The following DPYD variants were observed in gnomAD, a reference collection of about 807,000 sequenced individuals.
The protein encoded by DPYD is dihydropyrimidine dehydrogenase, also known as dihydropyrimidine dehydrogenase [NADP(+)].
In DPYD, 109 loss-of-function variants were observed where a neutral mutation model predicts 116.2. The ratio of observed to expected loss-of-function variants is 0.94; its 90% CI spans 0.80 to 1.10. The LOEUF (loss-of-function observed/expected upper bound fraction) is 1.10. DPYD is among the 50% of genes least tolerant of loss of function. The pLI, the probability that DPYD is intolerant of heterozygous loss-of-function variation, is 0.00. For synonymous variants in DPYD, 440 were observed against 432.0 expected (o/e 1.02, Z -0.23); for missense variants, 1,302 against 1,254.5 (o/e 1.04, Z -0.57).
At chr1:97,541,347 T>C (rs1042266380) in intron 12 of DPYD, among the ~76,000 whole-genome samples, 2 of 152,134 alleles carry the variant, frequency 1.3e-5, no homozygotes, top group African/African-American at 4.8e-5. Flanking sequence ...TAAAAATGAG[T>C]TACTTAAAAA....
chr1:97,812,129 T>C (rs1194190802), intron 3 of DPYD, among the ~76,000 whole-genome samples: 1 of 152,190 alleles, frequency 6.6e-6, no homozygotes, highest in African/African-American at 2.4e-5. Context: ...TGCATGCTGA[T>C]GACTTAAAAC....
At chr1:97,079,940 A>T (rs1327202164) in intron 22 of DPYD, among the ~76,000 whole-genome samples, 1 of 152,058 alleles carries the variant, frequency 6.6e-6, no homozygotes, top group Non-Finnish European at 1.5e-5. Context: ...GCAATTAAGA[A>T]TACCTAGTAT....
chr1:97,256,140 A>C lies in DPYD; in HGVS notation c.2300-21146T>G, dbSNP rs1388287241. Among the ~76,000 whole-genome samples, 4 of 152,288 alleles carry C rather than the reference A, an allele frequency of 2.6e-5. No individual in the cohort carries two copies. The East Asian group carries it at 7.7e-4, about 29-fold the overall frequency. The stretch of plus-strand genomic sequence containing the variant: ...TATGGTTGAAGTGGGAACGTCTGAC[A>C]GTGACTGAATTATTTCCCTCCAGGA... On this transcript the variant is annotated intron_variant, in intron 18 of 22. Coordinates refer to ENST00000370192, the MANE Select transcript of DPYD (RefSeq NM_000110.4).
chr1:97,173,279 C>CACATATATGT (rs1656910839), intron 20 of DPYD, among the ~76,000 whole-genome samples: 1 of 140,892 alleles, frequency 7.1e-6, no homozygotes, highest in African/African-American at 2.9e-5. Flanking sequence ...CATATATATG[C>CACATATATGT]ACACATATAT....
intron 20 of DPYD, among the ~76,000 whole-genome samples, chr1:97,118,559 C>T (rs988944746): frequency 6.6e-6 from 1 of 152,170 alleles, no homozygotes; most frequent in Non-Finnish European, 1.5e-5. Flanking sequence ...ACAATATAAG[C>T]TGCATTGCTG....
In DPYD at chr1:97,078,293, G is replaced by A. The variant is rs1431977333; in HGVS notation, c.*683C>T. 1.3e-5 allele frequency: 2 copies of A among 156,046 alleles called. No individual in the cohort carries two copies. The highest frequency in any genetic ancestry group is 2.8e-5 in the Non-Finnish European group (2 of 70,290). The allele number at this position is 156,046 out of a possible 1,614,324, so 9.7% of individuals were successfully genotyped here. A position where few individuals can be genotyped will look rare whatever the true frequency, so the allele number is the denominator to read the frequency against. ...GAGAAATGCCATTAAAAGAGGATGA[G>A]TTTGTACACCCATCTCACGCATGAG... On this transcript the variant is annotated 3_prime_UTR_variant, in exon 23 of 23. Transcript: ENST00000370192.
intron 8 of DPYD, among the ~76,000 whole-genome samples, chr1:97,621,353 TAAG>T (rs940112450): frequency 2.0e-5 from 3 of 151,898 alleles, no homozygotes; most frequent in African/African-American, 4.8e-5. Context: ...TAAATGTAAA[TAAG>T]AAGAAAAGGA....
chr1:97,566,231 C>A (rs1652509751), intron 11 of DPYD, among the ~76,000 whole-genome samples: 1 of 152,164 alleles, frequency 6.6e-6, no homozygotes, highest in African/African-American at 2.4e-5. Context: ...TTAAAATGTG[C>A]ATTCTTGGAG....
intron 12 of DPYD, among the ~76,000 whole-genome samples, chr1:97,541,294 T>A (rs1413273524): frequency 2.0e-5 from 3 of 152,192 alleles, no homozygotes; most frequent in Non-Finnish European, 4.4e-5. Flanking sequence ...AGAAAGAAGG[T>A]TGATTCTATG....
At chr1:97,570,157 A>T (rs1315596780) in intron 11 of DPYD, among the ~76,000 whole-genome samples, 2 of 152,130 alleles carry the variant, frequency 1.3e-5, no homozygotes, top group East Asian at 3.9e-4. Flanking sequence ...ACTTACAAAG[A>T]TTGTGGAATA....
chr1:97,406,782 T>G (rs1422163725), intron 14 of DPYD, among the ~76,000 whole-genome samples: 1 of 152,206 alleles, frequency 6.6e-6, no homozygotes, highest in African/African-American at 2.4e-5. Flanking sequence ...ATGTCTGGTA[T>G]TGATATTAAT....
chr1:97,135,145 A>T (rs747669147), intron 20 of DPYD, among the ~76,000 whole-genome samples: 3 of 152,170 alleles, frequency 2.0e-5, no homozygotes, highest in Non-Finnish European at 4.4e-5. Flanking sequence ...GGTTCACTCG[A>T]GCATACTTCT....
intron 20 of DPYD, among the ~76,000 whole-genome samples, chr1:97,105,568 T>C (rs1651076616): frequency 6.6e-6 from 1 of 151,388 alleles, no homozygotes; most frequent in African/African-American, 2.4e-5. Context: ...AGGAGGGAGG[T>C]TTGAGGGAGA....
chr1:97,642,569 T>C (rs1469190320), intron 8 of DPYD, among the ~76,000 whole-genome samples: 1 of 151,980 alleles, frequency 6.6e-6, no homozygotes, highest in Non-Finnish European at 1.5e-5. Flanking sequence ...ATTCCTTCCT[T>C]ACACCTTTTA....
intron 11 of DPYD, among the ~76,000 whole-genome samples, chr1:97,570,200 T>A (rs1171260590): frequency 6.6e-6 from 1 of 151,996 alleles, no homozygotes; most frequent in Non-Finnish European, 1.5e-5. Context: ...AAATGTAATC[T>A]CCTTTCAATT....
chr1:97,466,123 G>A (rs2101837043), intron 13 of DPYD, among the ~76,000 whole-genome samples: 1 of 152,274 alleles, frequency 6.6e-6, no homozygotes, highest in Middle Eastern at 3.4e-3. Flanking sequence ...TAAATTGATT[G>A]AGACATGTCT....
At chr1:97,210,716 C>T (rs76556443) in intron 19 of DPYD, among the ~76,000 whole-genome samples, 3,959 of 152,152 alleles carry the variant, frequency 0.026, 175 homozygotes, top group African/African-American at 0.091. Context: ...GATACTAGTG[C>T]CTATCTGACA....
chr1:97,577,473 G>C (rs1232807717), intron 10 of DPYD, among the ~76,000 whole-genome samples: 2 of 152,090 alleles, frequency 1.3e-5, no homozygotes, highest in Non-Finnish European at 1.5e-5. Flanking sequence ...CGAGAAACCT[G>C]TTTGGATAAC....
chr1:97,441,098 G>T (rs779595985), intron 14 of DPYD, among the ~76,000 whole-genome samples: 4 of 151,812 alleles, frequency 2.6e-5, no homozygotes, highest in Non-Finnish European at 4.4e-5. Flanking sequence ...TTATTCTCTG[G>T]CTGCTTTTAA....
Sources: gnomAD v4.1 joint callset for allele counts (sites outside exome capture counted in the v4.1 genomes callset) on GRCh38, gnomAD v4.1.1 for gene constraint, MANE v1.5 for transcripts, NCBI Gene and HGNC (gene_info 2026-07-23, HGNC 2026-07-21) for gene names.